Variants in RTL4 observed in about 807,000 individuals in gnomAD.
RTL4 encodes retrotransposon Gag like 4.
RTL4 carries 4 observed loss-of-function variants against 5.3 expected under a neutral mutation model. The ratio of observed to expected loss-of-function variants is 0.75; its 90% confidence interval spans 0.37 to 1.72. RTL4 has a LOEUF of 1.72. Among genes scored for constraint, RTL4 ranks in the 40% most tolerant of loss-of-function variants. The probability of loss-of-function intolerance (pLI) is 0.04; values close to 1 mark genes in which losing one functional copy is unlikely to be tolerated. For synonymous variants in RTL4, 98 were observed against 87.3 expected (o/e 1.12, Z -0.68); for missense variants, 260 against 227.1 (o/e 1.14, Z -0.93).
At chrX:112,289,085 T>G in the RTL4 span, among the ~76,000 whole-genome samples, 1 of 111,855 alleles carries the variant, frequency 8.9e-6, no homozygotes, top group African/African-American at 3.3e-5. Flanking sequence ...AGCCTTCTCC[T>G]TATTGTGTCT....
At chrX:112,342,240 T>C in the RTL4 span, among the ~76,000 whole-genome samples, 33 of 111,436 alleles carry the variant, frequency 3.0e-4, no homozygotes, top group Non-Finnish European at 5.1e-4. Flanking sequence ...GTTAAAAATA[T>C]CATCTAACTC....
the RTL4 span, among the ~76,000 whole-genome samples, chrX:112,100,862 A>G: frequency 1.8e-5 from 2 of 111,661 alleles, no homozygotes; most frequent in Non-Finnish European, 3.8e-5. Flanking sequence ...TTGGGTGTCA[A>G]TATGCCCATG....
At chrX:112,217,894 A>G in the RTL4 span, among the ~76,000 whole-genome samples, 1 of 111,429 alleles carries the variant, frequency 9.0e-6, no homozygotes, top group African/African-American at 3.3e-5. Flanking sequence ...TACCTTGCAA[A>G]AATGGAAATC....
the RTL4 span, among the ~76,000 whole-genome samples, chrX:112,337,952 T>C: frequency 1.8e-5 from 2 of 111,970 alleles, no homozygotes; most frequent in African/African-American, 6.5e-5. Context: ...ATACTTCCTG[T>C]CTCAGAAAGG....
the RTL4 span, among the ~76,000 whole-genome samples, chrX:112,250,003 G>A: frequency 4.5e-5 from 5 of 110,789 alleles, no homozygotes; most frequent in Non-Finnish European, 7.6e-5. Flanking sequence ...AGGGCCGGGC[G>A]CAGTGGCTCA....
the RTL4 span, among the ~76,000 whole-genome samples, chrX:112,399,693 G>A: frequency 2.7e-5 from 3 of 111,022 alleles, no homozygotes; most frequent in Admixed American, 9.6e-5. Flanking sequence ...TATTCTTGGG[G>A]CTCTTCATTC....
the RTL4 span, among the ~76,000 whole-genome samples, chrX:112,350,115 A>C: frequency 1.8e-5 from 2 of 111,440 alleles, no homozygotes; most frequent in Admixed American, 1.9e-4. Context: ...GCATCTATTG[A>C]GATAATCATG....
At chrX:112,427,258 A>G in the RTL4 span, among the ~76,000 whole-genome samples, 17 of 111,398 alleles carry the variant, frequency 1.5e-4, no homozygotes, top group East Asian at 3.7e-3. Context: ...ACTGGGATGT[A>G]TGCCAGGTAC....
the RTL4 span, among the ~76,000 whole-genome samples, chrX:112,187,707 C>T: frequency 9.0e-6 from 1 of 111,437 alleles, no homozygotes. Context: ...AATATATCCC[C>T]CAGCCATGGT....
At chrX:112,194,750 A>G in the RTL4 span, among the ~76,000 whole-genome samples, 4 of 112,063 alleles carry the variant, frequency 3.6e-5, no homozygotes, top group Admixed American at 9.5e-5. Context: ...AATCATAACA[A>G]TTATCGTGTA....
chrX:112,404,460 C>T, the RTL4 span, among the ~76,000 whole-genome samples: 2 of 111,724 alleles, frequency 1.8e-5, no homozygotes, highest in Non-Finnish European at 3.8e-5. Context: ...ATATATTTAT[C>T]CCAGAGTCTC....
At chrX:112,095,114 G>A in the RTL4 span, among the ~76,000 whole-genome samples, 2 of 111,616 alleles carry the variant, frequency 1.8e-5, no homozygotes, top group Non-Finnish European at 3.8e-5. Flanking sequence ...ATTAACCTTA[G>A]AAAGGAGGGA....
At chrX:112,394,543 T>C in the RTL4 span, among the ~76,000 whole-genome samples, 1 of 111,966 alleles carries the variant, frequency 8.9e-6, no homozygotes, top group Middle Eastern at 4.6e-3. Context: ...TTAATTTTCA[T>C]ACTGAGCCTA....
At chrX:112,220,762 A>G in the RTL4 span, among the ~76,000 whole-genome samples, 1 of 112,302 alleles carries the variant, frequency 8.9e-6, no homozygotes, top group Non-Finnish European at 1.9e-5. Context: ...GCATAGCAAG[A>G]GTGACCTTTA....
At position 112,455,319 on chromosome X, in the gene RTL4, T is replaced by C. The variant is rs748685852; in HGVS notation, c.591T>C (p.Ser197=). 5 of 1,209,241 alleles carry C rather than the reference T, an allele frequency of 4.1e-6. No homozygotes were observed. In the Admixed American group the frequency reaches 8.8e-5, roughly 21 times the overall value. ...CTGATCCCAACCAGGATGAAGAGAG[T>C]GTCACTGATATGATGGACAATCTTC... The change falls in exon 1 of 1, where the codon AGT becomes AGC. Residue 197 remains serine, a synonymous_variant. Coordinates refer to ENST00000340433, the Ensembl canonical transcript of RTL4.
chrX:112,292,151 T>C, the RTL4 span, among the ~76,000 whole-genome samples: 1 of 112,045 alleles, frequency 8.9e-6, no homozygotes, highest in Non-Finnish European at 1.9e-5. Context: ...GTCTGTATTT[T>C]CCATGCTTTA....
At chrX:112,182,290 A>G in the RTL4 span, among the ~76,000 whole-genome samples, 1 of 111,954 alleles carries the variant, frequency 8.9e-6, no homozygotes, top group Non-Finnish European at 1.9e-5. Flanking sequence ...CCAAAGGATC[A>G]TAACTCCTTA....
chrX:112,140,743 G>A, the RTL4 span, among the ~76,000 whole-genome samples: 1 of 111,645 alleles, frequency 9.0e-6, no homozygotes, highest in African/African-American at 3.3e-5. Context: ...TTTAATTTTT[G>A]GAGAGATACC....
the RTL4 span, among the ~76,000 whole-genome samples, chrX:112,261,277 G>A: frequency 2.7e-5 from 3 of 111,576 alleles, no homozygotes; most frequent in Non-Finnish European, 5.6e-5. Flanking sequence ...AGACATGATT[G>A]TATATTTAGA....
Sources: gnomAD v4.1 joint callset for allele counts (sites outside exome capture counted in the v4.1 genomes callset) on GRCh38, gnomAD v4.1.1 for gene constraint, MANE v1.5 for transcripts, NCBI Gene and HGNC (gene_info 2026-07-23, HGNC 2026-07-21) for gene names.